The following MYLK4 variants were observed in gnomAD, a reference collection of about 807,000 sequenced individuals.
MYLK4 encodes the protein caMLCK like.
A neutral mutation model predicts 48.1 loss-of-function variants in MYLK4; 46 were observed. The observed-to-expected ratio is 0.96, with a 90% confidence interval of 0.75 to 1.22. The LOEUF (loss-of-function observed/expected upper bound fraction) is 1.22. MYLK4 is among the 50% of genes most tolerant of loss of function. The pLI, the probability that MYLK4 is intolerant of heterozygous loss-of-function variation, is 0.00. For missense variants in MYLK4, 451 were observed against 486.1 expected, an observed-to-expected ratio of 0.93 and a Z score of 0.68; for synonymous variants, 170 against 180.8, an observed-to-expected ratio of 0.94 and a Z score of 0.48.
intron 2 of MYLK4, among the ~76,000 whole-genome samples, chr6:2,745,378 T>A (rs192046975): frequency 2.7e-4 from 41 of 152,350 alleles, no homozygotes; most frequent in African/African-American, 9.6e-4. Context: ...TCATCATTTA[T>A]AACTTAATGG....
At chr6:2,767,030 TA>T in the MYLK4 span, among the ~76,000 whole-genome samples, 1 of 152,194 alleles carries the variant, frequency 6.6e-6, no homozygotes, top group Non-Finnish European at 1.5e-5. Context: ...AAAACTAACA[TA>T]AAAACTTTTT....
chr6:2,755,983 G>C, the MYLK4 span, among the ~76,000 whole-genome samples: 1 of 152,086 alleles, frequency 6.6e-6, no homozygotes, highest in Non-Finnish European at 1.5e-5. Context: ...TCTGATTAAG[G>C]TTGTGTCCAC....
the MYLK4 span, chr6:2,766,229 A>G: frequency 6.9e-7 from 1 of 1,459,756 alleles, no homozygotes; most frequent in Non-Finnish European, 9.1e-7. Flanking sequence ...CTTCGGGGCC[A>G]GTGGCGGGGG....
intron 2 of MYLK4, among the ~76,000 whole-genome samples, chr6:2,707,677 T>C (rs1762540121): frequency 6.6e-6 from 1 of 152,198 alleles, no homozygotes; most frequent in African/African-American, 2.4e-5. Flanking sequence ...CCCAAATTTT[T>C]CTCCACTAAA....
intron 7 of MYLK4, among the ~76,000 whole-genome samples, chr6:2,681,875 A>G (rs1259272522): frequency 1.3e-5 from 2 of 152,224 alleles, no homozygotes; most frequent in African/African-American, 4.8e-5. Context: ...CCAGTTGCCA[A>G]TCAAATCCCT....
At position 2,665,194 on chromosome 6, in the gene MYLK4, C is replaced by T. The variant is rs556545283; in HGVS notation, c.*2731G>A. On this transcript the variant is annotated 3_prime_UTR_variant, in exon 13 of 13. Coordinates refer to ENST00000274643, the MANE Select transcript of MYLK4 (RefSeq NM_001012418.5). ...GACTCAGCTTTTCTGAGTCCATGCT[C>T]GCATCTGGCTTGATTCCTCGGCTTT... 1.3e-3 allele frequency: 205 copies of T among 152,330 alleles called. 1 individual carries two copies. The highest frequency in any genetic ancestry group is 4.7e-3 in the African/African-American group (197 of 41,568). 9.4% of individuals were successfully genotyped at this position (152,330 alleles called of 1,614,324 possible).
At chr6:2,683,446 G>A (rs1290550303) in intron 6 of MYLK4, among the ~76,000 whole-genome samples, 7 of 134,252 alleles carry the variant, frequency 5.2e-5, no homozygotes, top group African/African-American at 1.9e-4. Flanking sequence ...TTGAGATGGA[G>A]TCTCGCTGTG....
At chr6:2,765,785 C>T in the MYLK4 span, 2 of 1,434,502 alleles carry the variant, frequency 1.4e-6, no homozygotes. Flanking sequence ...GGCCGGGTCG[C>T]ACCGCGCCGG....
intron 8 of MYLK4, 113 bp downstream of exon 8, chr6:2,680,108 A>T: frequency 8.1e-7 from 1 of 1,228,612 alleles, no homozygotes; most frequent in Non-Finnish European, 1.1e-6. Flanking sequence ...TTGTTAAATT[A>T]ATTATAAATG....
At chr6:2,767,412 A>AT in the MYLK4 span, among the ~76,000 whole-genome samples, 7 of 152,236 alleles carry the variant, frequency 4.6e-5, no homozygotes, top group East Asian at 5.8e-4. Context: ...GGCTTTTATG[A>AT]TTTTTCTCCT....
the MYLK4 span, chr6:2,765,874 C>T: frequency 6.9e-7 from 1 of 1,446,122 alleles, no homozygotes; most frequent in African/African-American, 1.5e-5. Flanking sequence ...AGCAGCCAGC[C>T]ACCCCGACGG....
the MYLK4 span, chr6:2,765,433 G>C: frequency 1.6e-6 from 1 of 606,606 alleles, no homozygotes; most frequent in Non-Finnish European, 2.3e-6. Flanking sequence ...CCAGCGGCCG[G>C]CCGAGGGCGG....
intron 2 of MYLK4, among the ~76,000 whole-genome samples, chr6:2,700,902 C>G (rs916453666): frequency 6.6e-6 from 1 of 152,164 alleles, no homozygotes; most frequent in African/African-American, 2.4e-5. Flanking sequence ...TAGCACTTTG[C>G]GTAAAAGTAT....
At chr6:2,668,377 C>G (rs1349063645) in intron 12 of MYLK4, among the ~76,000 whole-genome samples, 4 of 152,138 alleles carry the variant, frequency 2.6e-5, no homozygotes, top group African/African-American at 4.8e-5. Flanking sequence ...GCCATCATTC[C>G]TGTGGCTCTG....
At chr6:2,765,411 C>T in the MYLK4 span, 3 of 448,388 alleles carry the variant, frequency 6.7e-6, no homozygotes, top group Non-Finnish European at 1.0e-5. Flanking sequence ...CGACACGCCG[C>T]GTGAGGCGCT....
intron 2 of MYLK4, among the ~76,000 whole-genome samples, chr6:2,733,541 C>T (rs6930270): frequency 0.21 from 32,061 of 152,072 alleles, 3,491 homozygotes; most frequent in Middle Eastern, 0.27. Flanking sequence ...GAGAAGGAAG[C>T]CTACGTGGTC....
At position 2,672,800 on chromosome 6, in the gene MYLK4, A is replaced by G. The variant is rs1305359727; in HGVS notation, c.1120-1452T>C. On this transcript the variant is annotated intron_variant, in intron 11 of 12. Coordinates refer to ENST00000274643, the MANE Select transcript of MYLK4 (RefSeq NM_001012418.5). This position sits in a 1 kb window ranked among gnomAD's most constrained non-coding sequence, Gnocchi z 4.3. ...CCCAGCAGCCCATCACCGGCAGGAG[A>G]GCAGAGCAGTGAGGCTCTGCCCGGA... 2.6e-5 allele frequency among the ~76,000 whole-genome samples: 4 copies of G among 152,138 alleles called. No individual in the cohort carries two copies. The East Asian group carries it at 7.7e-4, about 29-fold the overall frequency.
intron 2 of MYLK4, among the ~76,000 whole-genome samples, chr6:2,738,478 G>A (rs556110514): frequency 6.6e-6 from 1 of 152,376 alleles, no homozygotes; most frequent in East Asian, 1.9e-4. Context: ...TACGAACAGA[G>A]AGCTGAGAGT....
At chr6:2,668,254 G>A (rs1582016805) in intron 12 of MYLK4, among the ~76,000 whole-genome samples, 3 of 152,244 alleles carry the variant, frequency 2.0e-5, no homozygotes, top group South Asian at 2.1e-4. Flanking sequence ...CAGCCACTCC[G>A]TCCATCTGGT....
Sources: allele counts gnomAD v4.1 joint callset (sites outside exome capture counted in the v4.1 genomes callset), GRCh38; gene constraint gnomAD v4.1.1; non-coding constraint Gnocchi (gnomAD v3.1); transcripts MANE v1.5; gene names NCBI Gene and HGNC (gene_info 2026-07-23, HGNC 2026-07-21).